SLC14A2: variants seen among roughly 807,000 people sequenced by gnomAD.
The protein encoded by SLC14A2 is solute carrier family 14 member 2.
Under a neutral mutation model 104.6 loss-of-function variants are expected in SLC14A2, and 91 were observed. The observed-to-expected ratio is 0.87, with a 90% CI of 0.73 to 1.04. The LOEUF (loss-of-function observed/expected upper bound fraction) is 1.04, where lower values mean the gene tolerates loss of function less well. SLC14A2 is among the 50% of genes least tolerant of loss of function. The pLI, the probability that SLC14A2 is intolerant of heterozygous loss-of-function variation, is 0.00. For missense variants in SLC14A2, 1,189 were observed against 1,156.0 expected, an observed-to-expected ratio of 1.03 and a Z score of -0.41; for synonymous variants, 476 against 466.4, an observed-to-expected ratio of 1.02 and a Z score of -0.27.
At chr18:45,453,538 A>T in intron 1 of SLC14A2, among the ~76,000 whole-genome samples, 1 of 152,166 alleles carries the variant, frequency 6.6e-6, no homozygotes, top group East Asian at 1.9e-4. Flanking sequence ...AAAAGGAAAA[A>T]CCAGTAATAC....
At chr18:45,654,137 T>TCG (rs1555718843) in intron 10 of SLC14A2, among the ~76,000 whole-genome samples, 1 of 149,756 alleles carries the variant, frequency 6.7e-6, no homozygotes, top group Non-Finnish European at 1.5e-5. Flanking sequence ...GCAGGAATGC[T>TCG]GGGGGGGACG....
chr18:45,564,895 CATGACAAG>C (rs2044245724), intron 2 of SLC14A2, among the ~76,000 whole-genome samples: 1 of 152,064 alleles, frequency 6.6e-6, no homozygotes, highest in Admixed American at 6.6e-5. Context: ...ACAATTCAAA[CATGACAAG>C]GTAACTAAAG....
chr18:45,433,146 C>A (rs1482795194), intron 1 of SLC14A2, among the ~76,000 whole-genome samples: 1 of 152,140 alleles, frequency 6.6e-6, no homozygotes, highest in African/African-American at 2.4e-5. Flanking sequence ...AGGTTTGAGT[C>A]CTGACCCCAA....
At chr18:45,473,274 C>T (rs372933058) in intron 1 of SLC14A2, among the ~76,000 whole-genome samples, 2 of 152,360 alleles carry the variant, frequency 1.3e-5, no homozygotes, top group African/African-American at 4.8e-5. Context: ...GTTTTGGTTA[C>T]TGTAGCGTTG....
At chr18:45,383,656 A>G (rs1305622312) in intron 1 of SLC14A2, among the ~76,000 whole-genome samples, 1 of 152,094 alleles carries the variant, frequency 6.6e-6, no homozygotes, top group Non-Finnish European at 1.5e-5. Context: ...ACAGGCCTCC[A>G]GGTGTTCATA....
intron 1 of SLC14A2, among the ~76,000 whole-genome samples, chr18:45,413,957 A>G (rs2086241723): frequency 6.6e-6 from 1 of 152,212 alleles, no homozygotes; most frequent in Non-Finnish European, 1.5e-5. Context: ...GAGCGTAAAA[A>G]AAAAAGAAAA....
At chr18:45,450,741 C>T (rs887582842) in intron 1 of SLC14A2, among the ~76,000 whole-genome samples, 6 of 152,208 alleles carry the variant, frequency 3.9e-5, no homozygotes, top group African/African-American at 9.7e-5. Context: ...ACTGTAGCCT[C>T]TGTGCTTGTC....
intron 1 of SLC14A2, among the ~76,000 whole-genome samples, chr18:45,361,879 G>A (rs141512478): frequency 6.6e-6 from 1 of 152,084 alleles, no homozygotes; most frequent in Non-Finnish European, 1.5e-5. Flanking sequence ...AAAATGACAC[G>A]GCTCAGGCCC....
chr18:45,454,789 A>G (rs60405693), intron 1 of SLC14A2, among the ~76,000 whole-genome samples: 24,366 of 152,006 alleles, frequency 0.16, 2,800 homozygotes, highest in African/African-American at 0.3. Context: ...GTTTTTGTCA[A>G]GTTTGTCAAA....
intron 1 of SLC14A2, among the ~76,000 whole-genome samples, chr18:45,454,382 C>A (rs1049114829): frequency 1.3e-5 from 2 of 152,126 alleles, no homozygotes; most frequent in Non-Finnish European, 2.9e-5. Flanking sequence ...TGTTTAAGTT[C>A]TTTGTAGATT....
At chr18:45,571,560 A>G (rs994745486) in intron 2 of SLC14A2, among the ~76,000 whole-genome samples, 2 of 152,248 alleles carry the variant, frequency 1.3e-5, no homozygotes, top group Admixed American at 6.5e-5. Flanking sequence ...CTAAGAAATC[A>G]GACAACGTCT....
chr18:45,529,879 T>C (rs1452599890), intron 2 of SLC14A2: 1 of 152,118 alleles, frequency 6.6e-6, no homozygotes, highest in Non-Finnish European at 1.5e-5. Flanking sequence ...TTCCTCAAAA[T>C]AGGCATAAAA....
rs150355506 is a variant in SLC14A2 at position 45,239,952 on chromosome 18, CT to C, written c.-125+26768del. On this transcript the variant is annotated intron_variant, in intron 1 of 20. Coordinates refer to the SLC14A2 transcript ENST00000586448. ...ATGTCACAAATGACAGAATTTGATT[CT>C]TTTTTTATGGCTGAATAATGTTTAA... Among the ~76,000 whole-genome samples the C allele has an allele frequency of 8.1e-3, 1,233 of 152,092 alleles. 59 individuals are homozygous for C. In the East Asian group the frequency reaches 0.12, roughly 15 times the overall value.
At chr18:45,599,248 G>C (rs771944860) in intron 2 of SLC14A2, among the ~76,000 whole-genome samples, 2 of 152,064 alleles carry the variant, frequency 1.3e-5, no homozygotes, top group Admixed American at 1.3e-4. Context: ...AGGAGTAATC[G>C]CTAATAACCA....
At chr18:45,295,014 C>A (rs748000387) in intron 1 of SLC14A2, among the ~76,000 whole-genome samples, 1 of 152,210 alleles carries the variant, frequency 6.6e-6, no homozygotes, top group African/African-American at 2.4e-5. Context: ...TTCCTTTACT[C>A]ATTTACATAC....
At chr18:45,503,674 C>T (rs2043235083) in intron 2 of SLC14A2, among the ~76,000 whole-genome samples, 1 of 152,192 alleles carries the variant, frequency 6.6e-6, no homozygotes, top group Non-Finnish European at 1.5e-5. Context: ...TGCTAAATTA[C>T]AGAGGTGGGC....
At chr18:45,217,903 A>G (rs1224312884) in intron 1 of SLC14A2, among the ~76,000 whole-genome samples, 1 of 152,150 alleles carries the variant, frequency 6.6e-6, no homozygotes, top group Non-Finnish European at 1.5e-5. Flanking sequence ...CCAGGGAGAG[A>G]TTTGCCTTGA....
At chr18:45,533,988 AAAACAAAC>A (rs531726098) in intron 2 of SLC14A2, among the ~76,000 whole-genome samples, 2 of 152,200 alleles carry the variant, frequency 1.3e-5, no homozygotes, top group African/African-American at 4.8e-5. Context: ...AGAAAGAAGA[AAAACAAAC>A]AAACAAACAA....
At chr18:45,176,316 G>T in the SLC14A2 span, among the ~76,000 whole-genome samples, 1 of 152,154 alleles carries the variant, frequency 6.6e-6, no homozygotes, top group Non-Finnish European at 1.5e-5. Context: ...ACTTGCTCAA[G>T]TCTCCTTAGC....
Sources: gnomAD v4.1 joint callset for allele counts (sites outside exome capture counted in the v4.1 genomes callset) on GRCh38, gnomAD v4.1.1 for gene constraint, MANE v1.5 for transcripts, NCBI Gene and HGNC (gene_info 2026-07-23, HGNC 2026-07-21) for gene names.